Variants in MMP26 observed in about 807,000 individuals in gnomAD.
MMP26 encodes matrix metalloproteinase-26.
MMP26 carries 33 observed loss-of-function variants against 31.0 expected under a neutral mutation model. The ratio of observed to expected loss-of-function variants is 1.06; its 90% CI spans 0.81 to 1.42. The LOEUF is 1.42. MMP26 is among the 40% of genes most tolerant of loss of function. MMP26 has a pLI of 0.00. For missense variants in MMP26, 347 were observed against 316.1 expected (o/e 1.10, Z -0.74); for synonymous variants, 122 against 114.9 (o/e 1.06, Z -0.40).
rs181114303 is a variant in MMP26 at position 4,710,403 on chromosome 11, G to T, written c.-217+5358G>T. ...CCCTCCCCTTGTGCACATGCTCATT[G>T]CCAATGTTTATCTGCTTATCCCTCC... is the stretch of plus-strand genomic sequence containing the variant. On this transcript the variant is annotated intron_variant, in intron 1 of 7. Transcript: ENST00000380390. 84 of 456,954 alleles carry T rather than the reference G, an allele frequency of 1.8e-4. 1 individual carries two copies. The East Asian group carries it at 3.6e-3, about 20-fold the overall frequency. 28.3% of individuals were successfully genotyped at this position (456,954 alleles called of 1,614,324 possible). A position where few individuals can be genotyped will look rare whatever the true frequency, so the allele number is the denominator to read the frequency against.
intron 2 of MMP26, among the ~76,000 whole-genome samples, chr11:4,823,251 T>C (rs146929538): frequency 7.2e-5 from 11 of 152,270 alleles, no homozygotes; most frequent in Non-Finnish European, 1.5e-5. Context: ...TCATCCTTTG[T>C]GTGTGCTTCA....
At chr11:4,731,461 C>T (rs567118442) in intron 1 of MMP26, among the ~76,000 whole-genome samples, 88 of 152,214 alleles carry the variant, frequency 5.8e-4, no homozygotes, top group African/African-American at 2.0e-3. Context: ...TCTAAGTATC[C>T]ACTGGCATAA....
chr11:4,927,980 T>A (rs1367328571), intron 2 of MMP26, among the ~76,000 whole-genome samples: 5 of 152,050 alleles, frequency 3.3e-5, no homozygotes, highest in Admixed American at 3.3e-4. Flanking sequence ...AGTTGTGCAT[T>A]TCAAGTTGGA....
At chr11:4,891,603 A>T (rs558410527) in intron 2 of MMP26, among the ~76,000 whole-genome samples, 1 of 152,312 alleles carries the variant, frequency 6.6e-6, no homozygotes, top group Non-Finnish European at 1.5e-5. Context: ...GTCCAAAGTA[A>T]GGACATAACA....
chr11:4,801,323 A>C (rs1849178254), intron 2 of MMP26, among the ~76,000 whole-genome samples: 1 of 152,088 alleles, frequency 6.6e-6, no homozygotes, highest in African/African-American at 2.4e-5. Context: ...AGGCTGGGTT[A>C]TTTATAAAGA....
At chr11:4,900,016 T>G (rs901993109) in intron 2 of MMP26, among the ~76,000 whole-genome samples, 2 of 152,136 alleles carry the variant, frequency 1.3e-5, no homozygotes, top group African/African-American at 4.8e-5. Context: ...GTATAATGAT[T>G]GTTGGTGTGT....
intron 2 of MMP26, among the ~76,000 whole-genome samples, chr11:4,797,390 A>G (rs6578527): frequency 0.031 from 4,747 of 152,194 alleles, 255 homozygotes; most frequent in African/African-American, 0.11. Context: ...AGGCTTCTCT[A>G]TTCCTTTCCT....
intron 2 of MMP26, among the ~76,000 whole-genome samples, chr11:4,784,650 C>G (rs75742902): frequency 6.6e-6 from 1 of 152,150 alleles, no homozygotes; most frequent in Non-Finnish European, 1.5e-5. Context: ...CTGCTAGATT[C>G]TTTGGAGAGT....
rs141360302 is a variant in MMP26 at position 4,908,069 on chromosome 11, C to A, written c.-144-79999C>A. ...CAGCATTGCATCTTTGGCAGAGAGGCTTAAGGCCCTAAATACCTGTGTCTC... is the reference window on the plus strand; with the variant it reads ...CAGCATTGCATCTTTGGCAGAGAGGATTAAGGCCCTAAATACCTGTGTCTC... On this transcript the variant is annotated intron_variant, in intron 2 of 7. Transcript: ENST00000380390. 21 of 1,614,000 alleles carry A rather than the reference C, an allele frequency of 1.3e-5. No homozygotes were observed. The African/African-American group carries it at 2.7e-4, about 21-fold the overall frequency.
chr11:4,822,643 T>C (rs1849526447), intron 2 of MMP26, among the ~76,000 whole-genome samples: 1 of 152,200 alleles, frequency 6.6e-6, no homozygotes, highest in African/African-American at 2.4e-5. Flanking sequence ...AAGTATTAAT[T>C]CAGGCTCTGT....
intron 2 of MMP26, among the ~76,000 whole-genome samples, chr11:4,976,203 T>G (rs969380306): frequency 9.9e-5 from 15 of 152,034 alleles, no homozygotes; most frequent in Non-Finnish European, 2.2e-4. Flanking sequence ...GCAAAAAAGT[T>G]GAAGTAACAG....
At chr11:4,848,611 C>T in intron 2 of MMP26, 1 of 1,608,126 alleles carries the variant, frequency 6.2e-7, no homozygotes, top group Non-Finnish European at 8.5e-7. Flanking sequence ...GCACCCCAAG[C>T]TTCTGGGCAG....
chr11:4,842,360 G>A (rs1473968365), intron 2 of MMP26, among the ~76,000 whole-genome samples: 1 of 152,152 alleles, frequency 6.6e-6, no homozygotes, highest in Non-Finnish European at 1.5e-5. Context: ...CTGAAACTGG[G>A]TAGTTTATAA....
chr11:4,990,732 C>T lies in MMP26; in HGVS notation c.455C>T (p.Ser152Phe). Residue 152 changes from serine to phenylalanine, a missense_variant, in exon 5 of 8, where the codon TCT becomes TTT. By Grantham distance (155) the Ser-to-Phe change is radical. Coordinates refer to ENST00000380390, the MANE Select transcript of MMP26 (RefSeq NM_021801.5). ...AATGGAGATGCAGACATCAAGGTTT[C>T]TTTCTGGCAGTGGGGTAAGAAATTG... is the stretch of plus-strand genomic sequence containing the variant. ...VQNGDADIKV[S>F]FWQWAHEDGW... 1.2e-6 allele frequency: 2 copies of T among 1,614,036 alleles called. No individual in the cohort carries two copies. Among genetic ancestry groups the T allele is most frequent in the Non-Finnish European group, 1.7e-6 (2 of 1,179,950 alleles).
chr11:4,746,032 G>C (rs992445680), intron 1 of MMP26, among the ~76,000 whole-genome samples: 2 of 152,144 alleles, frequency 1.3e-5, no homozygotes, highest in African/African-American at 4.8e-5. Context: ...GTTTGGCCTT[G>C]TACTATAGTT....
chr11:4,767,087 A>G (rs1415127520), intron 1 of MMP26, among the ~76,000 whole-genome samples, 183 bp from the exon 2 acceptor site: 1 of 152,200 alleles, frequency 6.6e-6, no homozygotes, highest in Non-Finnish European at 1.5e-5. Context: ...TTTTAAAGCT[A>G]CTAACACAAA....
chr11:4,797,779 A>G (rs4910681), intron 2 of MMP26, among the ~76,000 whole-genome samples: 58,522 of 152,114 alleles, frequency 0.38, 12,730 homozygotes, highest in African/African-American at 0.57. Context: ...ATTACAATGT[A>G]AGCATCTCCT....
chr11:4,724,020 AC>A (rs71466200), intron 1 of MMP26: 1 of 685,940 alleles, frequency 1.5e-6, no homozygotes. Context: ...CATAACCTCC[AC>A]CCAGGCTACC....
intron 2 of MMP26, among the ~76,000 whole-genome samples, chr11:4,779,644 G>A (rs974846740): frequency 2.6e-5 from 4 of 151,944 alleles, no homozygotes; most frequent in Admixed American, 2.0e-4. Flanking sequence ...AAAACTTTTT[G>A]AATTCACATT....
Sources: allele counts gnomAD v4.1 joint callset (sites outside exome capture counted in the v4.1 genomes callset), GRCh38; gene constraint gnomAD v4.1.1; transcripts MANE v1.5; gene names NCBI Gene and HGNC (gene_info 2026-07-23, HGNC 2026-07-21).